Variants in NOL4 observed in about 807,000 individuals in gnomAD.
NOL4 encodes nucleolar protein 4.
A neutral mutation model predicts 75.9 loss-of-function variants in NOL4; 17 were observed. The observed-to-expected ratio is 0.22, with a 90% confidence interval of 0.15 to 0.34. The LOEUF (loss-of-function observed/expected upper bound fraction) is 0.34. Ranked by LOEUF, NOL4 falls within the 10% of genes least tolerant of loss-of-function variation. The probability of loss-of-function intolerance (pLI) is 1.00; values close to 1 mark genes in which losing one functional copy is unlikely to be tolerated. For synonymous variants in NOL4, 292 were observed against 289.9 expected (o/e 1.01, Z -0.07); for missense variants, 614 against 793.5 (o/e 0.77, Z 2.72).
At chr18:34,153,559 T>A (rs553465818) in intron 1 of NOL4, among the ~76,000 whole-genome samples, 1 of 152,056 alleles carries the variant, frequency 6.6e-6, no homozygotes, top group South Asian at 2.1e-4. Flanking sequence ...TGGTCAGATA[T>A]CTAAGAAATG....
At chr18:34,137,779 T>TATATACACAC (rs1354745785) in intron 1 of NOL4, among the ~76,000 whole-genome samples, 20 of 147,154 alleles carry the variant, frequency 1.4e-4, no homozygotes, top group East Asian at 2.0e-4. Context: ...ATATACGAAA[T>TATATACACAC]ACACACACAC....
chr18:34,147,703 T>C (rs540399090), intron 1 of NOL4, among the ~76,000 whole-genome samples: 84 of 152,276 alleles, frequency 5.5e-4, no homozygotes, highest in Non-Finnish European at 1.1e-3. Flanking sequence ...TCTGCCAGGC[T>C]TTGGTATCAG....
At chr18:34,166,563 T>C (rs2032358767) in intron 1 of NOL4, among the ~76,000 whole-genome samples, 1 of 152,076 alleles carries the variant, frequency 6.6e-6, no homozygotes, top group Non-Finnish European at 1.5e-5. Flanking sequence ...ATAAATGCAA[T>C]CATGTCACTA....
At chr18:33,870,086 A>G (rs138482958) in intron 10 of NOL4, among the ~76,000 whole-genome samples, 2,358 of 152,200 alleles carry the variant, frequency 0.015, 46 homozygotes, top group Non-Finnish European at 0.018. Context: ...CATGAACAAC[A>G]TGAGGTTTTG....
intron 1 of NOL4, among the ~76,000 whole-genome samples, chr18:34,181,390 C>T (rs1310422432): frequency 2.0e-5 from 3 of 151,338 alleles, no homozygotes; most frequent in Non-Finnish European, 4.4e-5. Context: ...AATTTGAATA[C>T]CTATGTCATA....
intron 1 of NOL4, among the ~76,000 whole-genome samples, chr18:34,163,450 GACAA>G (rs771143987): frequency 1.3e-5 from 2 of 151,862 alleles, no homozygotes; most frequent in African/African-American, 4.8e-5. Context: ...ACCAACAACA[GACAA>G]ACAGAGAGCC....
At chr18:34,217,846 T>C (rs2037019855) in intron 1 of NOL4, among the ~76,000 whole-genome samples, 2 of 151,936 alleles carry the variant, frequency 1.3e-5, no homozygotes, top group South Asian at 4.1e-4. Flanking sequence ...GCAAAACTAG[T>C]AAGACTAGTA....
At position 34,223,116 on chromosome 18, in the gene NOL4, G is replaced by A. The variant is rs1181815065; in HGVS notation, c.138C>T (p.Ser46=). The A allele has an allele frequency of 6.2e-7, 1 of 1,614,086 alleles. No homozygotes were observed. Among genetic ancestry groups the A allele is most frequent in the Non-Finnish European group, 8.5e-7 (1 of 1,180,048 alleles). ...IVQLLNGSES[S]STDNAKFKFW... is the part of the protein sequence containing the mutation. ...ATTTAAATTTGGCGTTGTCCGTGGA[G>A]CTCGACTCGGAGCCATTGAGGAGCT... Residue 46 remains serine (S), a synonymous_variant, in exon 1 of 11, where the codon AGC becomes AGT. Coordinates refer to ENST00000261592, the MANE Select transcript of NOL4 (RefSeq NM_003787.5).
chr18:34,159,494 C>T (rs2031087898), intron 1 of NOL4, among the ~76,000 whole-genome samples: 1 of 152,122 alleles, frequency 6.6e-6, no homozygotes, highest in Non-Finnish European at 1.5e-5. Flanking sequence ...CCGCCGCCGC[C>T]TTCTCCTCCC....
intron 6 of NOL4, among the ~76,000 whole-genome samples, chr18:33,984,737 T>TTAACCC (rs1315927117): frequency 1.3e-5 from 2 of 152,134 alleles, no homozygotes; most frequent in Non-Finnish European, 2.9e-5. Flanking sequence ...GCTCTTTCCT[T>TTAACCC]AGATTAACCC....
At chr18:34,085,875 A>T (rs922056150) in intron 5 of NOL4, among the ~76,000 whole-genome samples, 3 of 152,196 alleles carry the variant, frequency 2.0e-5, no homozygotes, top group African/African-American at 7.2e-5. Flanking sequence ...AAATACTTAC[A>T]CATGAACACA....
intron 5 of NOL4, among the ~76,000 whole-genome samples, chr18:34,054,480 T>C (rs2076750824): frequency 6.6e-6 from 1 of 151,910 alleles, no homozygotes; most frequent in African/African-American, 2.4e-5. Context: ...CTTCTAACCA[T>C]TTTTATTTTA....
Position 34,223,821 on chromosome 18 carries a change from G to A in NOL4, c.-568C>T, listed in dbSNP as rs989659545. 3.9e-5 allele frequency: 6 copies of A among 154,100 alleles called. No homozygotes were observed. Among genetic ancestry groups the A allele is most frequent in the Non-Finnish European group, 8.6e-5 (6 of 69,568 alleles). 9.5% of individuals were successfully genotyped at this position (154,100 alleles called of 1,614,324 possible). A position where few individuals can be genotyped will look rare whatever the true frequency, so the allele number is the denominator to read the frequency against. Reference sequence around the variant, plus strand: ...CGCCTTTGAGCCCCGAAGGGCACACGGGTCCCGGATCTCTCCTTCCTCCTG... The same window carrying A: ...CGCCTTTGAGCCCCGAAGGGCACACAGGTCCCGGATCTCTCCTTCCTCCTG... On this transcript the variant is annotated 5_prime_UTR_variant, in exon 1 of 11. Coordinates refer to ENST00000261592, the MANE Select transcript of NOL4 (RefSeq NM_003787.5).
chr18:34,200,892 T>C (rs961289733), intron 1 of NOL4, among the ~76,000 whole-genome samples: 2 of 151,758 alleles, frequency 1.3e-5, no homozygotes, highest in African/African-American at 4.8e-5. Context: ...TTCTAACCAA[T>C]AAGACAGTTC....
chr18:33,937,590 AAGAGT>A (rs955199400), intron 9 of NOL4, among the ~76,000 whole-genome samples: 4 of 152,070 alleles, frequency 2.6e-5, no homozygotes, highest in Admixed American at 6.6e-5. Context: ...TGCACACAGG[AAGAGT>A]GATCTTCTTG....
At chr18:34,025,098 T>G (rs982007410) in intron 5 of NOL4, among the ~76,000 whole-genome samples, 3 of 152,188 alleles carry the variant, frequency 2.0e-5, no homozygotes, top group African/African-American at 7.2e-5. Flanking sequence ...TATTTTAATC[T>G]CATTTTATAA....
intron 1 of NOL4, among the ~76,000 whole-genome samples, chr18:34,162,658 AG>A (rs2031687270): frequency 6.6e-6 from 1 of 152,200 alleles, no homozygotes; most frequent in Non-Finnish European, 1.5e-5. Context: ...CTACCAGAGG[AG>A]GTACAAGGAG....
intron 2 of NOL4, among the ~76,000 whole-genome samples, chr18:34,112,141 G>C (rs1435063302): frequency 6.6e-6 from 1 of 152,106 alleles, no homozygotes; most frequent in African/African-American, 2.4e-5. Flanking sequence ...GGCTGAGGCA[G>C]GTGAATCACC....
intron 9 of NOL4, among the ~76,000 whole-genome samples, chr18:33,929,535 T>G (rs1393645493): frequency 6.6e-6 from 1 of 152,192 alleles, no homozygotes; most frequent in Non-Finnish European, 1.5e-5. Flanking sequence ...AAAGCCATTA[T>G]GTCTTATTCA....
Sources: allele counts gnomAD v4.1 joint callset (sites outside exome capture counted in the v4.1 genomes callset), GRCh38; gene constraint gnomAD v4.1.1; transcripts MANE v1.5; gene names NCBI Gene and HGNC (gene_info 2026-07-23, HGNC 2026-07-21).